The following HLA-DMA variants were observed in gnomAD, a reference collection of about 807,000 sequenced individuals.
HLA-DMA encodes HLA class II histocompatibility antigen, DM alpha chain.
A neutral mutation model predicts 27.3 loss-of-function variants in HLA-DMA; 20 were observed. The observed-to-expected ratio is 0.73, with a 90% CI of 0.52 to 1.07. HLA-DMA has a LOEUF of 1.07. Ranked by LOEUF, HLA-DMA falls within the 50% of genes least tolerant of loss-of-function variation. HLA-DMA has a pLI of 0.00. For missense variants in HLA-DMA, 241 were observed against 321.7 expected, an observed-to-expected ratio of 0.75 and a Z score of 1.92; for synonymous variants, 111 against 126.8, an observed-to-expected ratio of 0.88 and a Z score of 0.83.
Position 32,949,922 on chromosome 6 carries a change from G to C in HLA-DMA, c.374-33C>G, listed in dbSNP as rs370573366. The C allele has an allele frequency of 2.8e-5, 45 of 1,607,074 alleles. No individual in the cohort carries two copies. In the African/African-American group the frequency reaches 5.1e-4, roughly 18 times the overall value. On this transcript the variant is annotated intron_variant, in intron 2 of 4. Transcript: ENST00000374843. The surrounding 1 kb of genome is among the most constrained non-coding windows in gnomAD (Gnocchi z 5.8). ...GGGGATTGAAGTGTAGGGGGAAAAA[G>C]AGACTAGTTTAGATGGTATCTCTGT...
chr6:32,950,385 T>C lies in HLA-DMA; in HGVS notation c.373+134A>G. The stretch of plus-strand genomic sequence containing the variant: ...AACACAGGGTGCAGACCAAGGCTGG[T>C]GGAAAAATTAAGGTGATGAAGAGAA... On this transcript the variant is annotated intron_variant, in intron 2 of 4. Transcript: ENST00000374843. The surrounding 1 kb of genome is among the most constrained non-coding windows in gnomAD (Gnocchi z 5.0). 1 of 1,128,440 alleles carries C rather than the reference T, an allele frequency of 8.9e-7. No individual in the cohort carries two copies. The highest frequency in any genetic ancestry group is 1.3e-6 in the Non-Finnish European group (1 of 773,564). The allele number at this position is 1,128,440 out of a possible 1,614,324, so 69.9% of individuals were successfully genotyped here. A position where few individuals can be genotyped will look rare whatever the true frequency, so the allele number is the denominator to read the frequency against.
rs376418557 is a variant in HLA-DMA at position 32,949,221 on chromosome 6, C to A, written c.781+50G>T. On this transcript the variant is annotated intron_variant, in intron 4 of 4. Coordinates refer to ENST00000374843, the MANE Select transcript of HLA-DMA (RefSeq NM_006120.4). The surrounding 1 kb of genome is among the most constrained non-coding windows in gnomAD (Gnocchi z 5.8). ...TAATCCTGACACATGCACGCATGCA[C>A]CACTGTATCTGGCTCCCACAGGCTC... 1.2e-5 allele frequency: 19 copies of A among 1,612,654 alleles called. No homozygotes were observed. The African/African-American group carries it at 2.4e-4, about 20-fold the overall frequency.
intron 1 of HLA-DMA, among the ~76,000 whole-genome samples, chr6:32,951,457 C>G (rs1582842576): frequency 1.3e-5 from 1 of 74,314 alleles, no homozygotes; most frequent in African/African-American, 3.9e-5. Flanking sequence ...CAGCGAGACC[C>G]TGTCTCTACA....
At position 32,950,575 on chromosome 6, in the gene HLA-DMA, T is replaced by A; in HGVS notation, c.317A>T (p.Glu106Val). Residue 106 changes from glutamate to valine, a missense_variant, in exon 2 of 5, where the codon GAG becomes GTG. Glu to Val is a moderately radical substitution (Grantham distance 121). Transcript: ENST00000374843. This position sits in a 1 kb window ranked among gnomAD's most constrained non-coding sequence, Gnocchi z 5.0. ...TGGCCCTATTTGCTGGATCATCCAC[T>A]CGCAGAACTCTTTGTCAAATAAAAT... ...PAILFDKEFC[E>V]WMIQQIGPKL... is the part of the protein sequence containing the mutation. The A allele has an allele frequency of 6.2e-7, 1 of 1,613,072 alleles. No homozygotes were observed. The highest frequency in any genetic ancestry group is 8.5e-7 in the Non-Finnish European group (1 of 1,180,028).
rs1776795606 is a variant in HLA-DMA, at chr6:32,949,493, G to A, written c.653-94C>T. ...GTGTCTGGGATGACATGGGAGACTG[G>A]GATGGGCTTAGGGTAGGAATGGACT... On this transcript the variant is annotated intron_variant, in intron 3 of 4. Transcript: ENST00000374843. The surrounding 1 kb of genome is among the most constrained non-coding windows in gnomAD (Gnocchi z 5.8). 1 of 1,597,672 alleles carries A rather than the reference G, an allele frequency of 6.3e-7. No homozygotes were observed. The highest frequency in any genetic ancestry group is 1.3e-5 in the African/African-American group (1 of 74,684).
At chr6:32,952,285 T>C in intron 1 of HLA-DMA, 1 of 470,400 alleles carries the variant, frequency 2.1e-6, no homozygotes, top group Non-Finnish European at 4.4e-6. Flanking sequence ...TTGGAAAACC[T>C]GTATCCAGAC....
rs748841447 is a variant in HLA-DMA, at chr6:32,949,295, A to G, written c.757T>C (p.Tyr253His). ...GIIVGIVLII[Y>H]FRKPCSGD The stretch of plus-strand genomic sequence containing the variant: ...CCACCTGAGCAAGGCTTCCGGAAGT[A>G]GATGATGAGAACAATGCCCACGATG... The change falls in exon 4 of 5, where the codon TAC (tyrosine) becomes CAC (histidine). Residue 253 changes from tyrosine (Y) to histidine (H), a missense_variant. Coordinates refer to ENST00000374843, the MANE Select transcript of HLA-DMA (RefSeq NM_006120.4). The surrounding 1 kb of genome is among the most constrained non-coding windows in gnomAD (Gnocchi z 5.8). The G allele has an allele frequency of 6.2e-7, 1 of 1,614,196 alleles. No homozygotes were observed. The highest frequency in any genetic ancestry group is 1.1e-5 in the South Asian group (1 of 91,088).
chr6:32,948,693 G>A lies in HLA-DMA; in HGVS notation c.*171C>T. 1 of 733,660 alleles carries A rather than the reference G, an allele frequency of 1.4e-6. No homozygotes were observed. Among genetic ancestry groups the A allele is most frequent in the South Asian group, 1.6e-5 (1 of 63,790 alleles). The allele number at this position is 733,660 out of a possible 1,614,324, so 45.4% of individuals were successfully genotyped here. A position where few individuals can be genotyped will look rare whatever the true frequency, so the allele number is the denominator to read the frequency against. Reference sequence around the variant, plus strand: ...AGGCAGGCCACTCTGGGATCCCTGGGATGCAAGCCCAGGGACAGCAGAGTC... The same window carrying A: ...AGGCAGGCCACTCTGGGATCCCTGGAATGCAAGCCCAGGGACAGCAGAGTC... On this transcript the variant is annotated 3_prime_UTR_variant, in exon 5 of 5. Transcript: ENST00000374843.
chr6:32,948,716 G>A lies in HLA-DMA; in HGVS notation c.*148C>T. 3.3e-6 allele frequency: 3 copies of A among 913,674 alleles called. No homozygotes were observed. Among genetic ancestry groups the A allele is most frequent in the Non-Finnish European group, 5.4e-6 (3 of 560,400 alleles). The allele number at this position is 913,674 out of a possible 1,614,324, so 56.6% of individuals were successfully genotyped here. Reference sequence around the variant, plus strand: ...GGGATGCAAGCCCAGGGACAGCAGAGTCCCCAGGTGGGAAATCTACACACA... The same window carrying A: ...GGGATGCAAGCCCAGGGACAGCAGAATCCCCAGGTGGGAAATCTACACACA... On this transcript the variant is annotated 3_prime_UTR_variant, in exon 5 of 5. Transcript: ENST00000374843.
rs1262379860 is a variant in HLA-DMA at position 32,952,985 on chromosome 6, G to T, written c.52C>A (p.Leu18Met). Residue 18 changes from leucine (L) to methionine (M), a missense_variant, in exon 1 of 5, where the codon CTG becomes ATG. By Grantham distance (15) the Leu-to-Met change is conservative. Coordinates refer to ENST00000374843, the MANE Select transcript of HLA-DMA (RefSeq NM_006120.4). The stretch of plus-strand genomic sequence containing the variant: ...GCCCAGGAGTGGGGTAGCAGCCACA[G>T]AAGTGGTAACATCTGTAGCAGCGCA... Reference protein sequence around the residue: ...GAALLQMLPLLWLLPHSWAVP... With the variant: ...GAALLQMLPLMWLLPHSWAVP... The T allele has an allele frequency of 1.9e-6, 3 of 1,612,954 alleles. No individual in the cohort carries two copies. The highest frequency in any genetic ancestry group is 2.7e-5 in the African/African-American group (2 of 75,020).
chr6:32,950,511 C>T lies in HLA-DMA; in HGVS notation c.373+8G>A, dbSNP rs768243409. 14 of 1,612,980 alleles carry T rather than the reference C, an allele frequency of 8.7e-6. No individual in the cohort carries two copies. The East Asian group carries it at 2.5e-4, about 28-fold the overall frequency. ...CCTCCTCCCTTCACTCCCCAGAAAACTCCTGACCTCTGGACACCGGGATTT... is the reference window on the plus strand; with the variant it reads ...CCTCCTCCCTTCACTCCCCAGAAAATTCCTGACCTCTGGACACCGGGATTT... On this transcript the variant is annotated splice_region_variant and intron_variant, in intron 2 of 4. Coordinates refer to ENST00000374843, the MANE Select transcript of HLA-DMA (RefSeq NM_006120.4). The surrounding 1 kb of genome is among the most constrained non-coding windows in gnomAD (Gnocchi z 5.0).
chr6:32,950,272 G>A lies in HLA-DMA; in HGVS notation c.373+247C>T. 1 of 601,970 alleles carries A rather than the reference G, an allele frequency of 1.7e-6. No individual in the cohort carries two copies. The highest frequency in any genetic ancestry group is 2.9e-6 in the Non-Finnish European group (1 of 339,322). 37.3% of individuals were successfully genotyped at this position (601,970 alleles called of 1,614,324 possible). ...GTAGCACAAGTGTTAATATTCAGTA[G>A]GTATCAGTTGGTACCTGTTGAATTC... On this transcript the variant is annotated intron_variant, in intron 2 of 4. Transcript: ENST00000374843. The surrounding 1 kb of genome is among the most constrained non-coding windows in gnomAD (Gnocchi z 5.0).
rs72865838 is a variant in HLA-DMA at position 32,950,847 on chromosome 6, T to C, written c.89-44A>G. 48,608 of 1,580,740 alleles carry C rather than the reference T, an allele frequency of 0.031. 848 individuals carry two copies. The highest frequency in any genetic ancestry group is 0.044 in the South Asian group (3,940 of 88,612). ...GAGGTTCAGGGAGGTGGGAGCCTTC[T>C]CCTCCAACTTAAAAAACAGCAAGGT... On this transcript the variant is annotated intron_variant, in intron 1 of 4. Coordinates refer to ENST00000374843, the MANE Select transcript of HLA-DMA (RefSeq NM_006120.4). The surrounding 1 kb of genome is among the most constrained non-coding windows in gnomAD (Gnocchi z 5.0).
chr6:32,949,441 AG>A lies in HLA-DMA; in HGVS notation c.653-43del. On this transcript the variant is annotated intron_variant, in intron 3 of 4. Transcript: ENST00000374843. This position sits in a 1 kb window ranked among gnomAD's most constrained non-coding sequence, Gnocchi z 5.8. ...GCTCAGCCTGGGGACCTAGTTAGGGAGCCTCCCACCCAGGGAAATGACGTGG... is the reference window on the plus strand; with the variant it reads ...GCTCAGCCTGGGGACCTAGTTAGGGACCTCCCACCCAGGGAAATGACGTGG... 6.2e-7 allele frequency: 1 copy of A among 1,611,920 alleles called. No individual in the cohort carries two copies. The highest frequency in any genetic ancestry group is 8.5e-7 in the Non-Finnish European group (1 of 1,178,702).
rs1776772125 is a variant in HLA-DMA, at chr6:32,949,019, A to G, written c.782-151T>C. On this transcript the variant is annotated intron_variant, in intron 4 of 4. Transcript: ENST00000374843. This position sits in a 1 kb window ranked among gnomAD's most constrained non-coding sequence, Gnocchi z 5.8. ...TCTCCTTGTTCCCAAATCATCTCCAAGCACCCTTCCTACAGCACCCCATGA... is the reference window on the plus strand; with the variant it reads ...TCTCCTTGTTCCCAAATCATCTCCAGGCACCCTTCCTACAGCACCCCATGA... 3.0e-5 allele frequency: 30 copies of G among 994,102 alleles called. 2 individuals carry two copies. In the South Asian group the frequency reaches 4.2e-4, roughly 14 times the overall value. The allele number at this position is 994,102 out of a possible 1,614,324, so 61.6% of individuals were successfully genotyped here. A position where few individuals can be genotyped will look rare whatever the true frequency, so the allele number is the denominator to read the frequency against.
rs1466898420 is a variant in HLA-DMA at position 32,949,665 on chromosome 6, A to G, written c.598T>C (p.Phe200Leu). 1.2e-6 allele frequency: 2 copies of G among 1,613,004 alleles called. No individual in the cohort carries two copies. Among genetic ancestry groups the G allele is most frequent in the Non-Finnish European group, 1.7e-6 (2 of 1,180,040 alleles). The change falls in exon 3 of 5, where the codon TTC becomes CTC. Residue 200 changes from phenylalanine to leucine, a missense_variant. Phe to Leu is a conservative substitution (Grantham distance 22). Coordinates refer to ENST00000374843, the MANE Select transcript of HLA-DMA (RefSeq NM_006120.4). The surrounding 1 kb of genome is among the most constrained non-coding windows in gnomAD (Gnocchi z 5.8). ...ATTTCGTGAGTCACAATGCAGGAGA[A>G]AATGTCAGAAGGTTCTGGTGTGAAG... ...LNFTPEPSDIFSCIVTHEIDR... is the reference protein window; with the variant it reads ...LNFTPEPSDILSCIVTHEIDR...
Position 32,950,441 on chromosome 6 carries a change from T to A in HLA-DMA, c.373+78A>T. ...AAGTATTTGAGATGGGGAGCTGGTATCAAGGGGAATTATTCAGTGTACAGA... is the reference window on the plus strand; with the variant it reads ...AAGTATTTGAGATGGGGAGCTGGTAACAAGGGGAATTATTCAGTGTACAGA... On this transcript the variant is annotated intron_variant, in intron 2 of 4. Transcript: ENST00000374843. The surrounding 1 kb of genome is among the most constrained non-coding windows in gnomAD (Gnocchi z 5.0). 6.8e-7 allele frequency: 1 copy of A among 1,477,488 alleles called. No homozygotes were observed. Among genetic ancestry groups the A allele is most frequent in the Non-Finnish European group, 9.3e-7 (1 of 1,073,812 alleles). The allele number at this position is 1,477,488 out of a possible 1,614,324, so 91.5% of individuals were successfully genotyped here. A position where few individuals can be genotyped will look rare whatever the true frequency, so the allele number is the denominator to read the frequency against.
At position 32,949,780 on chromosome 6, in the gene HLA-DMA, C is replaced by T. The variant is rs1283668922; in HGVS notation, c.483G>A (p.Trp161Ter). The T allele has an allele frequency of 1.9e-6, 3 of 1,613,060 alleles. No homozygotes were observed. In the Admixed American group the frequency reaches 5.0e-5, roughly 27 times the overall value. The change falls in exon 3 of 5, where the codon TGG (tryptophan) becomes TGA (stop). Residue 161 changes from tryptophan to a stop codon, truncating the protein, a stop_gained. Coordinates refer to ENST00000374843, the MANE Select transcript of HLA-DMA (RefSeq NM_006120.4). LOFTEE classifies it high-confidence loss of function. The surrounding 1 kb of genome is among the most constrained non-coding windows in gnomAD (Gnocchi z 5.8). ...CTTCCACAGGGACGGAATGATGCTGCCAGTTCACTGTCAGCATGGGTGGGA... is the reference window on the plus strand; with the variant it reads ...CTTCCACAGGGACGGAATGATGCTGTCAGTTCACTGTCAGCATGGGTGGGA... ...NLFPPMLTVNWQHHSVPVEGF... is the reference protein window; with the variant it reads ...NLFPPMLTVN
Position 32,949,972 on chromosome 6 carries a change from AG to A in HLA-DMA, c.374-84del. 2 of 1,361,120 alleles carry A rather than the reference AG, an allele frequency of 1.5e-6. No individual in the cohort carries two copies. The highest frequency in any genetic ancestry group is 2.3e-5 in the East Asian group (1 of 43,480). 84.3% of individuals were successfully genotyped at this position (1,361,120 alleles called of 1,614,324 possible). ...TGTTTGGAGGGGCCATGGCATATGG[AG>A]GGGAGGGCAGAGAAGAACACAGTGG... is the stretch of plus-strand genomic sequence containing the variant. On this transcript the variant is annotated intron_variant, in intron 2 of 4. Transcript: ENST00000374843. The surrounding 1 kb of genome is among the most constrained non-coding windows in gnomAD (Gnocchi z 5.8).
Sources: gnomAD v4.1 joint callset for allele counts (sites outside exome capture counted in the v4.1 genomes callset) on GRCh38, gnomAD v4.1.1 for gene constraint, Gnocchi (gnomAD v3.1) non-coding constraint, MANE v1.5 for transcripts, NCBI Gene and HGNC (gene_info 2026-07-23, HGNC 2026-07-21) for gene names.